Variants in DLG1 observed in about 807,000 individuals in gnomAD.
DLG1 encodes disks large homolog 1.
In DLG1, 42 loss-of-function variants were observed where a neutral mutation model predicts 123.4. The observed-to-expected ratio is 0.34, with a 90% CI of 0.27 to 0.44. The LOEUF (loss-of-function observed/expected upper bound fraction) is 0.44, where lower values mean the gene tolerates loss of function less well. Ranked by LOEUF, DLG1 falls within the 20% of genes least tolerant of loss-of-function variation. The probability of loss-of-function intolerance (pLI) is 1.00; values close to 1 mark genes in which losing one functional copy is unlikely to be tolerated. For missense variants in DLG1, 942 were observed against 1,082.6 expected (o/e 0.87, Z 1.82); for synonymous variants, 317 against 356.2 (o/e 0.89, Z 1.24).
intron 5 of DLG1, among the ~76,000 whole-genome samples, chr3:197,153,563 C>A (rs1470371830): frequency 6.6e-6 from 1 of 152,212 alleles, no homozygotes; most frequent in Non-Finnish European, 1.5e-5. Flanking sequence ...GCCCTGGATA[C>A]TGCTGTTCCA....
intron 18 of DLG1, chr3:197,070,588 G>GAGAT (rs1743173541): frequency 3.7e-5 from 1 of 27,362 alleles, no homozygotes; most frequent in Non-Finnish European, 8.6e-5. Flanking sequence ...TTTTTTTTTT[G>GAGAT]AGATAGTCTC....
intron 5 of DLG1, chr3:197,161,787 G>A: frequency 8.6e-7 from 1 of 1,164,270 alleles, no homozygotes; most frequent in Non-Finnish European, 1.2e-6. Context: ...AAAATAAAAG[G>A]GAAACACATA....
At chr3:197,163,270 TG>T (rs1369819840) in intron 5 of DLG1, among the ~76,000 whole-genome samples, 8 of 152,262 alleles carry the variant, frequency 5.3e-5, no homozygotes, top group Admixed American at 4.6e-4. Flanking sequence ...AAATGTAAAA[TG>T]GTACAGCTTC....
At chr3:197,232,003 A>G (rs916895908) in intron 4 of DLG1, among the ~76,000 whole-genome samples, 1 of 152,134 alleles carries the variant, frequency 6.6e-6, no homozygotes, top group African/African-American at 2.4e-5. Context: ...CGCAATGTAC[A>G]TGGTCACAAT....
intron 14 of DLG1, among the ~76,000 whole-genome samples, chr3:197,099,675 G>A (rs914885191): frequency 1.3e-5 from 2 of 152,162 alleles, no homozygotes; most frequent in African/African-American, 4.8e-5. Flanking sequence ...AGTGAGGAAG[G>A]GGTATGGGGG....
rs534615666 is a variant in DLG1, at chr3:197,242,568, T to A, written c.318+40111A>T. On this transcript the variant is annotated intron_variant, in intron 4 of 24. Coordinates refer to ENST00000667157, the MANE Select transcript of DLG1 (RefSeq NM_001366207.1). ...GAGTCTGAACAAATAAAAAAAAAAA[T>A]AGAAATCATATCAAATATCTTTTCT... 1.1e-3 allele frequency among the ~76,000 whole-genome samples: 170 copies of A among 148,346 alleles called. 1 individual carries two copies. The highest frequency in any genetic ancestry group is 3.7e-4 in the Non-Finnish European group (25 of 67,170).
intron 5 of DLG1, among the ~76,000 whole-genome samples, chr3:197,174,527 T>C (rs1805989586): frequency 6.6e-6 from 1 of 152,234 alleles, no homozygotes; most frequent in South Asian, 2.1e-4. Flanking sequence ...TGATATGATT[T>C]TTATTCTCTT....
intron 13 of DLG1, among the ~76,000 whole-genome samples, chr3:197,113,325 G>C (rs1771157547): frequency 6.6e-6 from 1 of 151,914 alleles, no homozygotes; most frequent in African/African-American, 2.4e-5. Context: ...TCTTTTCCTT[G>C]TGTCTACTTG....
At chr3:197,238,418 AACTC>A (rs1169592860) in intron 4 of DLG1, among the ~76,000 whole-genome samples, 7 of 152,214 alleles carry the variant, frequency 4.6e-5, no homozygotes, top group African/African-American at 9.6e-5. Context: ...AAATAATAAA[AACTC>A]ACAGCAAAGA....
intron 4 of DLG1, among the ~76,000 whole-genome samples, chr3:197,222,036 T>C (rs1264789322): frequency 1.3e-5 from 2 of 152,194 alleles, no homozygotes; most frequent in African/African-American, 4.8e-5. Flanking sequence ...TTATAATGTA[T>C]TGCTCAGGGA....
At chr3:197,213,747 G>A (rs1732519240) in intron 4 of DLG1, among the ~76,000 whole-genome samples, 1 of 152,186 alleles carries the variant, frequency 6.6e-6, no homozygotes, top group Admixed American at 6.5e-5. Context: ...GTTATTCTTG[G>A]ATAAAGGCTC....
chr3:197,183,966 T>C (rs958816495), intron 5 of DLG1: 10 of 1,426,186 alleles, frequency 7.0e-6, no homozygotes, highest in Non-Finnish European at 9.1e-6. Flanking sequence ...TTCTCAGTGA[T>C]TTCTTCCTAT....
At chr3:197,192,699 C>A (rs1465858887) in intron 5 of DLG1, among the ~76,000 whole-genome samples, 1 of 151,994 alleles carries the variant, frequency 6.6e-6, no homozygotes, top group Non-Finnish European at 1.5e-5. Context: ...AATGTACATA[C>A]ATAAACATGT....
intron 4 of DLG1, among the ~76,000 whole-genome samples, chr3:197,268,650 T>C (rs968929507): frequency 3.3e-5 from 5 of 151,980 alleles, no homozygotes; most frequent in Admixed American, 3.3e-4. Flanking sequence ...ACTAAATTTA[T>C]AGAAAAATGT....
intron 4 of DLG1, among the ~76,000 whole-genome samples, chr3:197,264,526 C>G (rs1163912430): frequency 6.6e-6 from 1 of 152,094 alleles, no homozygotes; most frequent in Non-Finnish European, 1.5e-5. Flanking sequence ...CAGGTTCAAG[C>G]GATGATTCTC....
chr3:197,253,667 C>T (rs952283229), intron 4 of DLG1, among the ~76,000 whole-genome samples: 1 of 151,990 alleles, frequency 6.6e-6, no homozygotes, highest in African/African-American at 2.4e-5. Context: ...GAGAACAGAT[C>T]AGTGGTTGCT....
chr3:197,234,618 AAAAC>A (rs1210990828), intron 4 of DLG1, among the ~76,000 whole-genome samples: 12 of 152,234 alleles, frequency 7.9e-5, no homozygotes, highest in African/African-American at 1.4e-4. Flanking sequence ...GCCTTTTAGC[AAAAC>A]AAACAAACAA....
chr3:197,058,500 AATGCTTAATTTCCAAATACATG>A, intron 23 of DLG1, among the ~76,000 whole-genome samples: 1 of 152,346 alleles, frequency 6.6e-6, no homozygotes, highest in East Asian at 1.9e-4. Flanking sequence ...TCAGAAGCAT[AATGCTTAATTTCCAAATACATG>A]AGGATTTTCT....
At chr3:197,286,122 G>A (rs1489987142) in intron 3 of DLG1, among the ~76,000 whole-genome samples, 1 of 152,132 alleles carries the variant, frequency 6.6e-6, no homozygotes, top group Admixed American at 6.5e-5. Flanking sequence ...AATCTAAAAA[G>A]GTTACATACT....
Sources: allele counts gnomAD v4.1 joint callset (sites outside exome capture counted in the v4.1 genomes callset), GRCh38; gene constraint gnomAD v4.1.1; transcripts MANE v1.5; gene names NCBI Gene and HGNC (gene_info 2026-07-23, HGNC 2026-07-21).